TENM3: variants seen among roughly 807,000 people sequenced by gnomAD.
The protein encoded by TENM3 is teneurin-3.
Under a neutral mutation model 255.1 loss-of-function variants are expected in TENM3, and 63 were observed. That is an observed-to-expected ratio of 0.25 (90% CI 0.20 to 0.30). TENM3 has a LOEUF of 0.30. TENM3 is among the 10% of genes least tolerant of loss of function. TENM3 has a pLI of 1.00. For missense variants in TENM3, 2,929 were observed against 3,461.1 expected (o/e 0.85, Z 3.86); for synonymous variants, 1,306 against 1,322.3 (o/e 0.99, Z 0.27).
intron 3 of TENM3, among the ~76,000 whole-genome samples, chr4:182,435,597 T>TTGCC (rs753812798): frequency 2.3e-4 from 35 of 152,206 alleles, no homozygotes; most frequent in Non-Finnish European, 2.6e-4. Flanking sequence ...AGGCAACTGC[T>TTGCC]TGCCTGCCTG....
At position 182,799,409 on chromosome 4, in the gene TENM3, C is replaced by G. The variant is rs1297844123; in HGVS notation, c.7345-187C>G. ...GAGCCATTTGGGGGTTCCAGAGCAT[C>G]GGGATCACCTTGAGGGGGAGGGATC... On this transcript the variant is annotated intron_variant, in intron 27 of 27. Transcript: ENST00000511685. This position sits in a 1 kb window ranked among gnomAD's most constrained non-coding sequence, Gnocchi z 4.2. Among the ~76,000 whole-genome samples the G allele has an allele frequency of 6.6e-6, 1 of 152,216 alleles. No homozygotes were observed.
intron 1 of TENM3, among the ~76,000 whole-genome samples, chr4:182,225,763 G>C (rs1249638223): frequency 6.6e-6 from 1 of 152,196 alleles, no homozygotes; most frequent in Non-Finnish European, 1.5e-5. Context: ...AAGAGTCAGG[G>C]AAGAAAGTGG....
chr4:182,274,492 G>T (rs1350435114), intron 1 of TENM3, among the ~76,000 whole-genome samples: 1 of 152,192 alleles, frequency 6.6e-6, no homozygotes, highest in East Asian at 1.9e-4. Context: ...GCAAAGTGGA[G>T]TGAGGACGTG....
the TENM3 span, among the ~76,000 whole-genome samples, chr4:181,946,077 C>T: frequency 1.8e-4 from 27 of 152,158 alleles, no homozygotes; most frequent in African/African-American, 6.0e-4. Flanking sequence ...ATTCAGTTTA[C>T]GTGAATGTCA....
intron 3 of TENM3, among the ~76,000 whole-genome samples, chr4:182,356,426 G>C (rs1050233122): frequency 1.3e-4 from 20 of 152,274 alleles, no homozygotes; most frequent in Non-Finnish European, 2.6e-4. Flanking sequence ...AACCTTAAAT[G>C]TGGCACCAGC....
chr4:181,552,225 T>G, the TENM3 span, among the ~76,000 whole-genome samples: 1 of 152,318 alleles, frequency 6.6e-6, no homozygotes, highest in Non-Finnish European at 1.5e-5. Context: ...ACATAAATCA[T>G]ACTGGCTCTT....
At chr4:181,589,646 A>G in the TENM3 span, among the ~76,000 whole-genome samples, 2 of 152,232 alleles carry the variant, frequency 1.3e-5, no homozygotes, top group African/African-American at 4.8e-5. Context: ...AGAAAAGCAT[A>G]CAAATGTATG....
At chr4:182,037,590 A>G in the TENM3 span, among the ~76,000 whole-genome samples, 882 of 152,326 alleles carry the variant, frequency 5.8e-3, 1 homozygote, top group Non-Finnish European at 8.8e-3. Flanking sequence ...TGCAGGAGCG[A>G]GTTACCACCC....
chr4:182,003,407 T>C, the TENM3 span, among the ~76,000 whole-genome samples: 6 of 152,074 alleles, frequency 3.9e-5, no homozygotes, highest in African/African-American at 1.4e-4. Context: ...AGACTTAATA[T>C]ATTATACCCC....
intron 2 of TENM3, among the ~76,000 whole-genome samples, chr4:182,335,915 G>A (rs1159418809): frequency 1.3e-5 from 2 of 152,164 alleles, no homozygotes; most frequent in Non-Finnish European, 2.9e-5. Flanking sequence ...CAGTAAACGT[G>A]AAAAGGAGAA....
the TENM3 span, among the ~76,000 whole-genome samples, chr4:181,781,454 T>G: frequency 1.3e-5 from 2 of 152,206 alleles, no homozygotes; most frequent in African/African-American, 4.8e-5. Flanking sequence ...CTTGTGATTT[T>G]GGCACATTGA....
At chr4:182,763,845 A>G (rs954325227) in intron 22 of TENM3, among the ~76,000 whole-genome samples, 2 of 152,210 alleles carry the variant, frequency 1.3e-5, no homozygotes, top group Non-Finnish European at 2.9e-5. Flanking sequence ...GTTATTTATA[A>G]TTTAGAGCTA....
the TENM3 span, among the ~76,000 whole-genome samples, chr4:182,017,007 TA>T: frequency 2.0e-5 from 3 of 152,230 alleles, no homozygotes; most frequent in African/African-American, 7.2e-5. Context: ...ATTTGCCAAA[TA>T]CACCCTCACT....
chr4:181,626,171 G>T, the TENM3 span, among the ~76,000 whole-genome samples: 1 of 152,154 alleles, frequency 6.6e-6, no homozygotes, highest in Non-Finnish European at 1.5e-5. Context: ...GGCGGAGCAA[G>T]ACTAGGCTGG....
At chr4:181,974,253 G>A in the TENM3 span, among the ~76,000 whole-genome samples, 3 of 152,154 alleles carry the variant, frequency 2.0e-5, no homozygotes, top group African/African-American at 7.2e-5. Context: ...AAGAGTGCCT[G>A]GTATGGTCAA....
At chr4:182,423,579 T>A (rs949765098) in intron 3 of TENM3, among the ~76,000 whole-genome samples, 9 of 152,130 alleles carry the variant, frequency 5.9e-5, no homozygotes, top group Admixed American at 5.9e-4. Flanking sequence ...GAGCACTAGA[T>A]GAGAGAACAA....
intron 3 of TENM3, among the ~76,000 whole-genome samples, chr4:182,389,042 G>T (rs945448963): frequency 6.6e-6 from 1 of 152,134 alleles, no homozygotes; most frequent in Non-Finnish European, 1.5e-5. Flanking sequence ...CTATAGAAAT[G>T]TCTGAAGTTA....
the TENM3 span, among the ~76,000 whole-genome samples, chr4:182,010,726 T>A: frequency 6.6e-6 from 1 of 152,232 alleles, no homozygotes; most frequent in South Asian, 2.1e-4. Context: ...TAATTCCTAT[T>A]TTATTTTTAG....
chr4:181,800,441 G>A, the TENM3 span, among the ~76,000 whole-genome samples: 1 of 152,154 alleles, frequency 6.6e-6, no homozygotes, highest in Non-Finnish European at 1.5e-5. Context: ...AGACCAGCCT[G>A]ACCAATATGG....
Sources: gnomAD v4.1 joint callset for allele counts (sites outside exome capture counted in the v4.1 genomes callset) on GRCh38, gnomAD v4.1.1 for gene constraint, Gnocchi (gnomAD v3.1) non-coding constraint, MANE v1.5 for transcripts, NCBI Gene and HGNC (gene_info 2026-07-23, HGNC 2026-07-21) for gene names.